GSPT1: variants seen among roughly 807,000 people sequenced by gnomAD.
GSPT1 encodes the protein G1 to S phase transition 1.
In GSPT1, 20 loss-of-function variants were observed where a neutral mutation model predicts 72.5. The observed-to-expected ratio is 0.28, with a 90% CI of 0.19 to 0.40. GSPT1 has a LOEUF of 0.40. Ranked by LOEUF, GSPT1 falls within the 10% of genes least tolerant of loss-of-function variation. The pLI, the probability that GSPT1 is intolerant of heterozygous loss-of-function variation, is 1.00. For synonymous variants in GSPT1, 334 were observed against 293.5 expected (o/e 1.14, Z -1.41); for missense variants, 580 against 811.9 (o/e 0.71, Z 3.47).
rs190533772 is a variant in GSPT1 at position 11,910,079 on chromosome 16, A to G, written c.352+5290T>C. Among the ~76,000 whole-genome samples the G allele has an allele frequency of 1.6e-4, 25 of 152,278 alleles. No individual in the cohort carries two copies. In the East Asian group the frequency reaches 3.7e-3, roughly 22 times the overall value. ...ACAATTATACTCCAGCTTGGGTGAC[A>G]AAGTAAGATCCCGTCTCTAAAAAAT... On this transcript the variant is annotated intron_variant, in intron 1 of 14. Coordinates refer to ENST00000434724, the MANE Select transcript of GSPT1 (RefSeq NM_002094.4).
At chr16:11,887,440 A>C (rs1315688542) in intron 7 of GSPT1, 130 bp downstream of exon 7, 1 of 709,282 alleles carries the variant, frequency 1.4e-6, no homozygotes, top group Admixed American at 2.8e-5. Context: ...GTATGATGAA[A>C]ACTGTGACCG....
intron 9 of GSPT1, among the ~76,000 whole-genome samples, chr16:11,885,796 G>C (rs983118257): frequency 3.3e-5 from 5 of 152,086 alleles, no homozygotes; most frequent in African/African-American, 1.2e-4. Flanking sequence ...GGAGGCTGAG[G>C]TGGGAGGATC....
intron 7 of GSPT1, 52 bp from the exon 8 acceptor site, chr16:11,886,983 A>G: frequency 7.6e-7 from 1 of 1,314,994 alleles, no homozygotes; most frequent in Non-Finnish European, 1.1e-6. Context: ...GCATACCCTT[A>G]TGGCAGTAAA....
chr16:11,893,486 A>C (rs1342879261), intron 5 of GSPT1, among the ~76,000 whole-genome samples: 1 of 152,014 alleles, frequency 6.6e-6, no homozygotes, highest in African/African-American at 2.4e-5. Context: ...AAAAGAAAAA[A>C]AAATTGCAAC....
At chr16:11,898,359 A>C (rs2054365238) in intron 1 of GSPT1, among the ~76,000 whole-genome samples, 1 of 152,154 alleles carries the variant, frequency 6.6e-6, no homozygotes, top group Non-Finnish European at 1.5e-5. Flanking sequence ...CACAGATCAA[A>C]TTAGAGATGT....
At chr16:11,903,387 T>C (rs1397592065) in intron 1 of GSPT1, among the ~76,000 whole-genome samples, 1 of 152,068 alleles carries the variant, frequency 6.6e-6, no homozygotes, top group Non-Finnish European at 1.5e-5. Context: ...CAGGTGCCTA[T>C]AATCCCAGAT....
intron 12 of GSPT1, among the ~76,000 whole-genome samples, chr16:11,876,932 G>T (rs954402418): frequency 3.3e-5 from 5 of 152,184 alleles, no homozygotes; most frequent in Non-Finnish European, 7.3e-5. Context: ...AATCTAACTT[G>T]ATTAGTTGTC....
chr16:11,911,785 C>A lies in GSPT1; in HGVS notation c.352+3584G>T, dbSNP rs561267677. On this transcript the variant is annotated intron_variant, in intron 1 of 14. Transcript: ENST00000434724. ...CAGGCTGGTCTCGAACTCCTGACCT[C>A]AGGTGATCCGTCCACCTCGGCCTCC... Among the ~76,000 whole-genome samples the A allele has an allele frequency of 5.3e-5, 8 of 149,806 alleles. No individual in the cohort carries two copies. The East Asian group carries it at 7.9e-4, about 15-fold the overall frequency.
chr16:11,890,211 T>C (rs33646), intron 6 of GSPT1, among the ~76,000 whole-genome samples: 149,624 of 152,046 alleles, frequency 0.98, 73,650 homozygotes, highest in South Asian at 1. Context: ...CCGCCCGTCT[T>C]GGCCTCCCAA....
upstream of GSPT1, chr16:11,915,983 G>A: frequency 1.4e-6 from 1 of 704,980 alleles, no homozygotes; most frequent in Non-Finnish European, 2.6e-6. Flanking sequence ...AACCACCTCC[G>A]ACGGCCTCAC....
intron 4 of GSPT1, among the ~76,000 whole-genome samples, chr16:11,895,825 C>T (rs577287616): frequency 6.6e-6 from 1 of 152,280 alleles, no homozygotes; most frequent in African/African-American, 2.4e-5. Flanking sequence ...CGGGGTTTCA[C>T]CATGTTGGCC....
chr16:11,914,892 G>A (rs116976807), intron 1 of GSPT1: 8,201 of 683,310 alleles, frequency 0.012, 75 homozygotes, highest in South Asian at 0.024. Context: ...TTCAATAGTA[G>A]AAAACGCAGC....
At chr16:11,896,470 C>G (rs912906116) in intron 4 of GSPT1, 88 bp downstream of exon 4, 1 of 764,568 alleles carries the variant, frequency 1.3e-6, no homozygotes, top group African/African-American at 1.8e-5. Context: ...TAATTTCCTT[C>G]AGTTTCACTA....
intron 14 of GSPT1, among the ~76,000 whole-genome samples, 173 bp from the exon 15 acceptor site, chr16:11,873,344 C>G (rs2053999668): frequency 6.6e-6 from 1 of 152,132 alleles, no homozygotes; most frequent in South Asian, 2.1e-4. Flanking sequence ...ATAAGAGGGT[C>G]TTATTTGGGG....
intron 5 of GSPT1, among the ~76,000 whole-genome samples, chr16:11,891,687 G>C (rs1303715393): frequency 2.2e-5 from 3 of 133,714 alleles, no homozygotes; most frequent in Non-Finnish European, 4.7e-5. Flanking sequence ...TTTTGAGACA[G>C]GGTCTCGCTC....
intron 6 of GSPT1, among the ~76,000 whole-genome samples, chr16:11,888,204 G>A (rs901964084): frequency 6.6e-6 from 1 of 151,806 alleles, no homozygotes; most frequent in Non-Finnish European, 1.5e-5. Flanking sequence ...AGTGGCTCAC[G>A]CCTGTAATCC....
chr16:11,879,083 AT>A (rs1256668155), intron 11 of GSPT1, among the ~76,000 whole-genome samples: 1 of 81,234 alleles, frequency 1.2e-5, no homozygotes, highest in African/African-American at 4.7e-5. Flanking sequence ...TCTCCAAAAA[AT>A]AAAAAATAAT....
rs2054624757 is a variant in GSPT1 at position 11,915,651 on chromosome 16, TGCTGCTGCTGCC to T, written c.58_69del (p.Gly20_Ser23del). 1 of 1,479,878 alleles carries T rather than the reference TGCTGCTGCTGCC, an allele frequency of 6.8e-7. No individual in the cohort carries two copies. 91.7% of individuals were successfully genotyped at this position (1,479,878 alleles called of 1,614,324 possible). On this transcript the variant is annotated inframe_deletion, in exon 1 of 15. Coordinates refer to ENST00000434724, the MANE Select transcript of GSPT1 (RefSeq NM_002094.4). ...TCCCAGCAGTCAGGCGCCGAGTCGC[TGCTGCTGCTGCC>T]GCTGCTGCTCCCGCCGCCGCCGCCG...
intron 9 of GSPT1, among the ~76,000 whole-genome samples, chr16:11,885,714 T>C (rs2054179343): frequency 6.6e-6 from 1 of 152,076 alleles, no homozygotes; most frequent in African/African-American, 2.4e-5. Flanking sequence ...GGCAACATGG[T>C]GAATCTGTCT....
Sources: gnomAD v4.1 joint callset for allele counts (sites outside exome capture counted in the v4.1 genomes callset) on GRCh38, gnomAD v4.1.1 for gene constraint, MANE v1.5 for transcripts, NCBI Gene and HGNC (gene_info 2026-07-23, HGNC 2026-07-21) for gene names.